SBF2: variants seen among roughly 807,000 people sequenced by gnomAD.
The protein encoded by SBF2 is SET binding factor 2.
In SBF2, 112 loss-of-function variants were observed where a neutral mutation model predicts 225.2. The observed-to-expected ratio is 0.50, with a 90% CI of 0.43 to 0.58. SBF2 has a LOEUF of 0.58. Ranked by LOEUF, SBF2 falls within the 20% of genes least tolerant of loss-of-function variation. SBF2 has a pLI of 0.00. For synonymous variants in SBF2, 763 were observed against 773.3 expected (o/e 0.99, Z 0.22); for missense variants, 1,996 against 2,206.2 (o/e 0.90, Z 1.91).
intron 17 of SBF2, among the ~76,000 whole-genome samples, chr11:9,862,902 G>T (rs1397373710): frequency 2.0e-5 from 3 of 152,092 alleles, no homozygotes; most frequent in Non-Finnish European, 4.4e-5. Context: ...CATACTGAGG[G>T]TGTGAGATGG....
intron 1 of SBF2, among the ~76,000 whole-genome samples, chr11:10,233,135 T>C (rs928220397): frequency 6.6e-6 from 1 of 152,254 alleles, no homozygotes; most frequent in Admixed American, 6.5e-5. Context: ...TTTTTAGTAC[T>C]AATTTTCATA....
chr11:9,924,642 A>G (rs1253088740), intron 16 of SBF2, among the ~76,000 whole-genome samples: 1 of 152,040 alleles, frequency 6.6e-6, no homozygotes, highest in African/African-American at 2.4e-5. Flanking sequence ...ATGCTGGCCA[A>G]GCTGGTCTCA....
intron 3 of SBF2, among the ~76,000 whole-genome samples, chr11:10,035,511 C>T (rs1272304449): frequency 1.3e-5 from 2 of 152,060 alleles, no homozygotes; most frequent in African/African-American, 4.8e-5. Flanking sequence ...TTGCAATCTA[C>T]CCATCTGACA....
chr11:9,939,532 T>G (rs7939451), intron 16 of SBF2, among the ~76,000 whole-genome samples: 1 of 152,002 alleles, frequency 6.6e-6, no homozygotes, highest in Admixed American at 6.5e-5. Flanking sequence ...TTTTCATGGG[T>G]GAGGCCCTAT....
intron 35 of SBF2, 133 bp from the exon 36 acceptor site, chr11:9,787,871 G>T (rs1456182493): frequency 8.2e-6 from 6 of 733,638 alleles, no homozygotes; most frequent in East Asian, 2.7e-5. Context: ...GGTGGACATG[G>T]GCCTGTGAGG....
chr11:10,020,897 A>G (rs1251025031), intron 6 of SBF2, among the ~76,000 whole-genome samples: 1 of 151,880 alleles, frequency 6.6e-6, no homozygotes, highest in African/African-American at 2.4e-5. Flanking sequence ...ACTGAACAAA[A>G]ACTTTTTTAA....
intron 2 of SBF2, among the ~76,000 whole-genome samples, chr11:10,066,894 G>T (rs1950646786): frequency 6.6e-6 from 1 of 152,176 alleles, no homozygotes; most frequent in Non-Finnish European, 1.5e-5. Flanking sequence ...TAGAACACAT[G>T]ATCAATATAT....
chr11:10,245,133 C>CAAAAAAAA (rs60827616), intron 1 of SBF2, among the ~76,000 whole-genome samples: 2 of 92,522 alleles, frequency 2.2e-5, no homozygotes, highest in Non-Finnish European at 4.2e-5. Context: ...GACCCTGTCT[C>CAAAAAAAA]AAAAAAAAAA....
At chr11:10,191,270 T>C (rs1471218444) in intron 2 of SBF2, among the ~76,000 whole-genome samples, 1 of 152,216 alleles carries the variant, frequency 6.6e-6, no homozygotes, top group Non-Finnish European at 1.5e-5. Context: ...TATCTATCTT[T>C]GGTCTTGAAG....
chr11:10,097,497 CA>C (rs1555022660), intron 2 of SBF2, among the ~76,000 whole-genome samples: 2 of 152,062 alleles, frequency 1.3e-5, no homozygotes, highest in Non-Finnish European at 2.9e-5. Context: ...ACAAAATTAA[CA>C]AAATTTAAAA....
chr11:9,912,260 C>T (rs1040799498), intron 16 of SBF2, among the ~76,000 whole-genome samples: 11 of 129,148 alleles, frequency 8.5e-5, no homozygotes, highest in Non-Finnish European at 1.8e-4. Flanking sequence ...TGCAGTGAGC[C>T]GAGATCACTC....
At chr11:10,164,998 C>CATA (rs1216554138) in intron 2 of SBF2, 5 of 152,250 alleles carry the variant, frequency 3.3e-5, no homozygotes, top group Non-Finnish European at 5.9e-5. Flanking sequence ...GAAGGTCCCT[C>CATA]ATATGGATTC....
chr11:10,196,866 A>ATATATATATATATATATTT, intron 1 of SBF2, among the ~76,000 whole-genome samples: 5 of 99,310 alleles, frequency 5.0e-5, no homozygotes, highest in Non-Finnish European at 9.9e-5. Flanking sequence ...ATATATATAT[A>ATATATATATATATATATTT]TTTTTTTTTT....
intron 2 of SBF2, among the ~76,000 whole-genome samples, chr11:10,056,006 GT>G (rs750137270): frequency 2.2e-4 from 33 of 152,222 alleles, no homozygotes; most frequent in Non-Finnish European, 3.2e-4. Context: ...ACTTGGAATA[GT>G]TTTGAACATT....
intron 25 of SBF2, among the ~76,000 whole-genome samples, chr11:9,841,669 A>G (rs1043289901): frequency 6.6e-6 from 1 of 152,048 alleles, no homozygotes; most frequent in African/African-American, 2.4e-5. Context: ...AGCAGTAGGG[A>G]CTACAGGCGC....
intron 2 of SBF2, among the ~76,000 whole-genome samples, chr11:10,114,469 C>T (rs2135025238): frequency 6.6e-6 from 1 of 152,180 alleles, no homozygotes; most frequent in South Asian, 2.1e-4. Context: ...TCTTCCTTTC[C>T]TCTTTCTTTA....
chr11:9,782,922 GGA>G (rs1852121996), intron 38 of SBF2: 1 of 151,914 alleles, frequency 6.6e-6, no homozygotes, highest in African/African-American at 2.4e-5. Flanking sequence ...AGACTGCTAG[GGA>G]ATAAGCCTTA....
rs969466314 is a variant in SBF2 at position 9,885,288 on chromosome 11, C to A, written c.1929+10655G>T. On this transcript the variant is annotated intron_variant, in intron 17 of 39. Transcript: ENST00000256190. ...AAAAAAAAAAAAAACCCCACCCCCC[C>A]AAAAAAAACCCAGTGTAATTACTTC... is the stretch of plus-strand genomic sequence containing the variant. Among the ~76,000 whole-genome samples the A allele has an allele frequency of 1.1e-4, 16 of 147,290 alleles. 1 individual carries two copies. The highest frequency in any genetic ancestry group is 2.2e-4 in the South Asian group (1 of 4,566).
At chr11:9,830,750 A>AC (rs1161162794) in intron 27 of SBF2, among the ~76,000 whole-genome samples, 24 of 151,482 alleles carry the variant, frequency 1.6e-4, no homozygotes, top group African/African-American at 3.9e-4. Flanking sequence ...AAAAACAAAA[A>AC]AAAAAAAACA....
Sources: gnomAD v4.1 joint callset for allele counts (sites outside exome capture counted in the v4.1 genomes callset) on GRCh38, gnomAD v4.1.1 for gene constraint, MANE v1.5 for transcripts, NCBI Gene and HGNC (gene_info 2026-07-23, HGNC 2026-07-21) for gene names.